The following ZNF804A variants were observed in gnomAD, a reference collection of about 807,000 sequenced individuals.
The protein encoded by ZNF804A is zinc finger protein 804A.
A neutral mutation model predicts 16.5 loss-of-function variants in ZNF804A; 2 were observed. That is an observed-to-expected ratio of 0.12 (90% CI 0.05 to 0.38). ZNF804A has a LOEUF of 0.38. ZNF804A is among the 10% of genes least tolerant of loss of function. The pLI, the probability that ZNF804A is intolerant of heterozygous loss-of-function variation, is 0.99. For missense variants in ZNF804A, 1,473 were observed against 1,390.7 expected (o/e 1.06, Z -0.94); for synonymous variants, 534 against 489.6 (o/e 1.09, Z -1.20).
At chr2:184,809,892 C>T (rs554732999) in intron 1 of ZNF804A, among the ~76,000 whole-genome samples, 6 of 151,974 alleles carry the variant, frequency 3.9e-5, no homozygotes, top group Non-Finnish European at 7.4e-5. Flanking sequence ...ATCCCAAATG[C>T]CATAGCAAAA....
intron 1 of ZNF804A, among the ~76,000 whole-genome samples, chr2:184,690,863 A>G (rs916379921): frequency 7.9e-5 from 12 of 152,028 alleles, no homozygotes; most frequent in African/African-American, 2.9e-4. Context: ...TACATGTTAG[A>G]CCATAATATG....
intron 1 of ZNF804A, among the ~76,000 whole-genome samples, chr2:184,732,733 T>C (rs559324749): frequency 6.6e-6 from 1 of 152,150 alleles, no homozygotes; most frequent in Non-Finnish European, 1.5e-5. Flanking sequence ...CTCATATAGA[T>C]ATATATTTTT....
At chr2:184,704,366 G>A (rs1692984832) in intron 1 of ZNF804A, among the ~76,000 whole-genome samples, 1 of 151,960 alleles carries the variant, frequency 6.6e-6, no homozygotes, top group Admixed American at 6.6e-5. Context: ...TGGTCAGGCT[G>A]GTCTCGAACT....
chr2:184,871,794 A>G (rs930724142), intron 2 of ZNF804A, among the ~76,000 whole-genome samples: 3 of 152,056 alleles, frequency 2.0e-5, no homozygotes, highest in Non-Finnish European at 4.4e-5. Flanking sequence ...AGTTTAGTTT[A>G]CTAGGAGAAT....
intron 1 of ZNF804A, among the ~76,000 whole-genome samples, chr2:184,812,972 C>T (rs1694923956): frequency 6.6e-6 from 1 of 151,984 alleles, no homozygotes; most frequent in East Asian, 1.9e-4. Flanking sequence ...ATTAGTAGTG[C>T]ATAACACTAA....
intron 2 of ZNF804A, among the ~76,000 whole-genome samples, chr2:184,919,634 T>G (rs978953482): frequency 1.3e-5 from 2 of 152,310 alleles, no homozygotes; most frequent in African/African-American, 4.8e-5. Flanking sequence ...TGTTACCAAT[T>G]TTTAAATCAT....
chr2:184,791,060 T>A (rs1210004752), intron 1 of ZNF804A, among the ~76,000 whole-genome samples: 2 of 152,204 alleles, frequency 1.3e-5, no homozygotes, highest in Non-Finnish European at 2.9e-5. Flanking sequence ...TGAGTCTGAA[T>A]GTATCTTTAG....
chr2:184,632,380 T>C (rs986319604), intron 1 of ZNF804A, among the ~76,000 whole-genome samples: 3 of 152,190 alleles, frequency 2.0e-5, no homozygotes, highest in African/African-American at 7.2e-5. Flanking sequence ...CTTTTATTTA[T>C]TTTACTAAGT....
chr2:184,738,890 C>A (rs968939773), intron 1 of ZNF804A, among the ~76,000 whole-genome samples: 17 of 152,094 alleles, frequency 1.1e-4, no homozygotes, highest in African/African-American at 4.1e-4. Flanking sequence ...CTACAGACAG[C>A]AAAGAAAATA....
At chr2:184,755,538 T>C (rs1693946913) in intron 1 of ZNF804A, among the ~76,000 whole-genome samples, 1 of 152,026 alleles carries the variant, frequency 6.6e-6, no homozygotes, top group South Asian at 2.1e-4. Flanking sequence ...TCATTTTCTT[T>C]TTCCTCCTAG....
In ZNF804A at chr2:184,936,179, A is replaced by G; in HGVS notation, c.783A>G (p.Gln261=). The part of the protein sequence containing the change: ...RFVPSACHLQ[Q]SSPTDVLLSS... ...TCCCCAGTGCTTGTCATCTTCAACA[A>G]TCTTCACCAACAGATGTGCTTTTGA... is the stretch of plus-strand genomic sequence containing the variant. The change falls in exon 4 of 4, where the codon CAA becomes CAG. Residue 261 remains glutamine, a synonymous_variant. Coordinates refer to ENST00000302277, the MANE Select transcript of ZNF804A (RefSeq NM_194250.2). 6.2e-7 allele frequency: 1 copy of G among 1,614,098 alleles called. No individual in the cohort carries two copies. Among genetic ancestry groups the G allele is most frequent in the Non-Finnish European group, 8.5e-7 (1 of 1,179,950 alleles).
At chr2:184,694,297 A>G (rs1412529311) in intron 1 of ZNF804A, among the ~76,000 whole-genome samples, 1 of 151,924 alleles carries the variant, frequency 6.6e-6, no homozygotes, top group Non-Finnish European at 1.5e-5. Context: ...ATAAATTGCA[A>G]ATGATATAAA....
intron 1 of ZNF804A, among the ~76,000 whole-genome samples, chr2:184,600,126 A>G (rs1329233434): frequency 6.6e-6 from 1 of 152,150 alleles, no homozygotes; most frequent in Non-Finnish European, 1.5e-5. Flanking sequence ...GGAGAGTAGA[A>G]GTTTAAGGAC....
intron 1 of ZNF804A, among the ~76,000 whole-genome samples, chr2:184,634,579 G>T (rs543866807): frequency 6.6e-6 from 1 of 152,148 alleles, no homozygotes; most frequent in Admixed American, 6.6e-5. Context: ...GGGAGAAAAG[G>T]AAAAGGGAGA....
intron 2 of ZNF804A, among the ~76,000 whole-genome samples, chr2:184,895,237 T>TGAGA (rs369592189): frequency 2.0e-5 from 3 of 150,070 alleles, no homozygotes; most frequent in Admixed American, 6.6e-5. Context: ...TGTGTGTGTG[T>TGAGA]GAGAGAGAGA....
intron 1 of ZNF804A, among the ~76,000 whole-genome samples, chr2:184,748,322 G>T (rs749549853): frequency 1.9e-4 from 28 of 150,200 alleles, no homozygotes; most frequent in Middle Eastern, 3.4e-3. Flanking sequence ...TAGCCATTGT[G>T]ACTGGCATGA....
At chr2:184,924,081 G>A (rs1322879505) in intron 2 of ZNF804A, among the ~76,000 whole-genome samples, 3 of 151,368 alleles carry the variant, frequency 2.0e-5, no homozygotes, top group African/African-American at 4.8e-5. Flanking sequence ...GGGCAATACG[G>A]TCTTATAGGA....
At chr2:184,890,387 G>A (rs1236136866) in intron 2 of ZNF804A, among the ~76,000 whole-genome samples, 1 of 152,078 alleles carries the variant, frequency 6.6e-6, no homozygotes, top group Non-Finnish European at 1.5e-5. Flanking sequence ...TATCAACAAT[G>A]TTGCAGTCCA....
At chr2:184,808,481 T>G (rs1377483661) in intron 1 of ZNF804A, among the ~76,000 whole-genome samples, 1 of 151,578 alleles carries the variant, frequency 6.6e-6, no homozygotes, top group Non-Finnish European at 1.5e-5. Context: ...TCTCTTATAT[T>G]GAAAGCGAGA....
Sources: allele counts gnomAD v4.1 joint callset (sites outside exome capture counted in the v4.1 genomes callset), GRCh38; gene constraint gnomAD v4.1.1; transcripts MANE v1.5; gene names NCBI Gene and HGNC (gene_info 2026-07-23, HGNC 2026-07-21).